The following MEI1 variants were observed in gnomAD, a reference collection of about 807,000 sequenced individuals.
MEI1 encodes meiotic double-stranded break formation protein 1.
MEI1 carries 103 observed loss-of-function variants against 146.2 expected under a neutral mutation model. That is an observed-to-expected ratio of 0.70 (90% CI 0.60 to 0.83). The LOEUF (loss-of-function observed/expected upper bound fraction) is 0.83. MEI1 is among the 40% of genes least tolerant of loss of function. The pLI is 0.00. For synonymous variants in MEI1, 652 were observed against 628.2 expected (o/e 1.04, Z -0.57); for missense variants, 1,529 against 1,533.0 (o/e 1.00, Z 0.04).
At chr22:41,764,893 G>A (rs185324466) in intron 19 of MEI1, among the ~76,000 whole-genome samples, 43 of 152,252 alleles carry the variant, frequency 2.8e-4, no homozygotes, top group African/African-American at 8.9e-4. Flanking sequence ...TCCGACTCCC[G>A]CATCAGTTAA....
rs9611657 is a variant in MEI1, at chr22:41,759,632, A to T, written c.2120+1099A>T. Among the ~76,000 whole-genome samples the T allele has an allele frequency of 1.4e-3, 186 of 135,630 alleles. 5 individuals carry two copies. Among genetic ancestry groups the T allele is most frequent in the African/African-American group, 5.2e-3 (168 of 32,546 alleles). The allele number at this position is 135,630 out of a possible 152,430, so 89.0% of individuals were successfully genotyped here. A position where few individuals can be genotyped will look rare whatever the true frequency, so the allele number is the denominator to read the frequency against. On this transcript the variant is annotated intron_variant, in intron 18 of 30. Coordinates refer to ENST00000401548, the MANE Select transcript of MEI1 (RefSeq NM_152513.4). ...GCGACAGAGCGAGACTCCGTCTCAA[A>T]AAATAAATAAATAAATAAATAAATA...
At position 41,723,939 on chromosome 22, in the gene MEI1, C is replaced by T; in HGVS notation, c.734-4C>T. 2 of 1,591,420 alleles carry T rather than the reference C, an allele frequency of 1.3e-6. No homozygotes were observed. The highest frequency in any genetic ancestry group is 1.7e-6 in the Non-Finnish European group (2 of 1,168,578). On this transcript the variant is annotated splice_region_variant and splice_polypyrimidine_tract_variant and intron_variant, in intron 6 of 30. Coordinates refer to ENST00000401548, the MANE Select transcript of MEI1 (RefSeq NM_152513.4). ...CCTTACTTCCCAATCCCTTTGTTTCCTAGGTTTGCTGAGGCAGCTGTTGAA... is the reference window on the plus strand; with the variant it reads ...CCTTACTTCCCAATCCCTTTGTTTCTTAGGTTTGCTGAGGCAGCTGTTGAA...
intron 3 of MEI1, among the ~76,000 whole-genome samples, chr22:41,712,389 C>G (rs1416163114): frequency 6.6e-6 from 1 of 151,104 alleles, no homozygotes; most frequent in Non-Finnish European, 1.5e-5. Flanking sequence ...CGCCCACCAC[C>G]ACGCCCGGCT....
intron 19 of MEI1, among the ~76,000 whole-genome samples, chr22:41,766,722 T>C (rs1200109143): frequency 6.6e-6 from 1 of 151,618 alleles, no homozygotes; most frequent in Non-Finnish European, 1.5e-5. Flanking sequence ...GGCTAATTAT[T>C]TTTATTTCCT....
chr22:41,772,973 A>G (rs2075267809), intron 20 of MEI1, among the ~76,000 whole-genome samples: 1 of 152,182 alleles, frequency 6.6e-6, no homozygotes, highest in Admixed American at 6.5e-5. Flanking sequence ...CCTAGAATGG[A>G]GAGGTCCCTC....
chr22:41,723,890 A>G, intron 6 of MEI1, 53 bp from the exon 7 acceptor site: 1 of 1,553,572 alleles, frequency 6.4e-7, no homozygotes, highest in Admixed American at 2.0e-5. Context: ...TCTTGGGAGT[A>G]CTCTGGTGCC....
In MEI1 at chr22:41,781,363, T is replaced by G. The variant is rs749968595; in HGVS notation, c.2895T>G (p.Leu965=). The G allele has an allele frequency of 6.2e-7, 1 of 1,613,528 alleles. No individual in the cohort carries two copies. Among genetic ancestry groups the G allele is most frequent in the Non-Finnish European group, 8.5e-7 (1 of 1,179,748 alleles). Residue 965 remains leucine, a synonymous_variant, in exon 23 of 31, where the codon CTT becomes CTG. Transcript: ENST00000401548. ...CCTTCAACTTCCTGTATTGGAGCCT[T>G]CATCAGACCACACCCAGCAGTCAGA... ...QPSFNFLYWS[L]HQTTPSSQKR...
chr22:41,710,974 T>A (rs1206179920), intron 3 of MEI1, among the ~76,000 whole-genome samples: 1 of 152,110 alleles, frequency 6.6e-6, no homozygotes, highest in African/African-American at 2.4e-5. Context: ...ATGGATCCAT[T>A]GAATAAGCAC....
At chr22:41,774,020 T>A (rs1475240768) in intron 20 of MEI1, among the ~76,000 whole-genome samples, 1 of 152,238 alleles carries the variant, frequency 6.6e-6, no homozygotes, top group Admixed American at 6.5e-5. Context: ...TTCTGTTTTT[T>A]ATATGGGTAA....
chr22:41,795,759 G>C lies in MEI1; in HGVS notation c.3691G>C (p.Asp1231His). 1 of 1,613,686 alleles carries C rather than the reference G, an allele frequency of 6.2e-7. No homozygotes were observed. The highest frequency in any genetic ancestry group is 1.3e-5 in the African/African-American group (1 of 75,040). Residue 1231 changes from aspartate (D) to histidine (H), a missense_variant, in exon 30 of 31, where the codon GAC becomes CAC. Around this residue, in one of 3 missense-constraint regions of MEI1, gnomAD observed 313 missense variants for 337.3 expected, o/e 0.93. Transcript: ENST00000401548. This position sits in a 1 kb window ranked among gnomAD's most constrained non-coding sequence, Gnocchi z 4.2. ...QQLQSMGHLADHSMAQTLQAS... is the reference protein window; with the variant it reads ...QQLQSMGHLAHHSMAQTLQAS... ...GCTCCAGAGCATGGGACACCTGGCT[G>C]ACCACAGCATGGCCCAGACCCTGCA...
chr22:41,729,716 A>C lies in MEI1; in HGVS notation c.916A>C (p.Thr306Pro), dbSNP rs769115806. The C allele has an allele frequency of 3.0e-5, 49 of 1,612,288 alleles. No individual in the cohort carries two copies. The highest frequency in any genetic ancestry group is 4.2e-5 in the Non-Finnish European group (49 of 1,179,414). ...GCAGGTGGCCAGTGCTCACTGTATA[A>C]CTGCGGTGCTTGTCCACTCCCCAGC... Reference protein sequence around the residue: ...TLQVASAHCITAVLVHSPAKH... With the variant: ...TLQVASAHCIPAVLVHSPAKH... The change falls in exon 8 of 31, where the codon ACT (threonine) becomes CCT (proline). Residue 306 changes from threonine to proline, a missense_variant. This residue lies in a region of MEI1 where 1,212 missense variants were observed against 1,178.9 expected (regional missense o/e 1.03). Transcript: ENST00000401548.
rs746096669 is a variant in MEI1, at chr22:41,770,914, C to T, written c.2497C>T (p.Leu833=). Residue 833 remains leucine (L), a synonymous_variant, in exon 20 of 31, where the codon CTG becomes TTG. Transcript: ENST00000401548. ...QPALPASLVV[L]FQLLRSIPSI... ...CGCCCTTCCTGCCAGCTTAGTAGTCCTGTTCCAGTTGCTCAGAAGCATCCC... is the reference window on the plus strand; with the variant it reads ...CGCCCTTCCTGCCAGCTTAGTAGTCTTGTTCCAGTTGCTCAGAAGCATCCC... The T allele has an allele frequency of 1.9e-6, 3 of 1,614,020 alleles. No homozygotes were observed. The South Asian group carries it at 3.3e-5, about 18-fold the overall frequency.
chr22:41,785,233 C>A (rs2075919494), intron 26 of MEI1, among the ~76,000 whole-genome samples: 1 of 148,094 alleles, frequency 6.8e-6, no homozygotes, highest in South Asian at 2.1e-4. Flanking sequence ...CCGCGCCTGG[C>A]ATTTTTATTT....
In MEI1 at chr22:41,795,214, G is replaced by T. The variant is rs918640071; in HGVS notation, c.3535-197G>T. 6.6e-6 allele frequency among the ~76,000 whole-genome samples: 1 copy of T among 152,144 alleles called. No individual in the cohort carries two copies. The highest frequency in any genetic ancestry group is 2.4e-5 in the African/African-American group (1 of 41,402). On this transcript the variant is annotated intron_variant, in intron 28 of 30. Coordinates refer to ENST00000401548, the MANE Select transcript of MEI1 (RefSeq NM_152513.4). The surrounding 1 kb of genome is among the most constrained non-coding windows in gnomAD (Gnocchi z 4.2). The stretch of plus-strand genomic sequence containing the variant: ...GGGTCAGGAGGGCCAGCTCTCTCAG[G>T]ATCTCACAGGTTGCCTTACTTACCC...
intron 26 of MEI1, among the ~76,000 whole-genome samples, chr22:41,789,345 G>A (rs972172472): frequency 3.3e-5 from 5 of 152,052 alleles, no homozygotes; most frequent in African/African-American, 1.2e-4. Flanking sequence ...AAATACTTTC[G>A]TAGAGATGAT....
intron 20 of MEI1, 54 bp from the exon 21 acceptor site, chr22:41,776,048 C>G: frequency 1.9e-6 from 3 of 1,577,778 alleles, no homozygotes; most frequent in Non-Finnish European, 2.6e-6. Context: ...CTCATTGTCA[C>G]TTTTCCCCAA....
chr22:41,796,665 G>A (rs2148273392), intron 30 of MEI1, among the ~76,000 whole-genome samples: 1 of 152,318 alleles, frequency 6.6e-6, no homozygotes, highest in East Asian at 1.9e-4. Flanking sequence ...TTCACATGAT[G>A]AGTTGCAGTC....
At position 41,754,104 on chromosome 22, in the gene MEI1, G is replaced by T. The variant is rs1270419797; in HGVS notation, c.1951+58G>T. On this transcript the variant is annotated intron_variant, in intron 17 of 30. Coordinates refer to ENST00000401548, the MANE Select transcript of MEI1 (RefSeq NM_152513.4). ...CTGTGCTGGTCTTTAGAGTCTGGGTGCCTTGCTGATTGACTAGATAGTGAG... is the reference window on the plus strand; with the variant it reads ...CTGTGCTGGTCTTTAGAGTCTGGGTTCCTTGCTGATTGACTAGATAGTGAG... 9 of 1,303,772 alleles carry T rather than the reference G, an allele frequency of 6.9e-6. No individual in the cohort carries two copies. In the African/African-American group the frequency reaches 1.3e-4, roughly 19 times the overall value. The allele number at this position is 1,303,772 out of a possible 1,614,324, so 80.8% of individuals were successfully genotyped here.
At chr22:41,796,694 T>C (rs1032805182) in intron 30 of MEI1, among the ~76,000 whole-genome samples, 4 of 152,214 alleles carry the variant, frequency 2.6e-5, no homozygotes, top group Non-Finnish European at 4.4e-5. Flanking sequence ...GCCAAAACTT[T>C]GTTTCATGAA....
Sources: gnomAD v4.1 joint callset for allele counts (sites outside exome capture counted in the v4.1 genomes callset) on GRCh38, gnomAD v4.1.1 for gene constraint, gnomAD v4.1.1 regional missense constraint, Gnocchi (gnomAD v3.1) non-coding constraint, MANE v1.5 for transcripts, NCBI Gene and HGNC (gene_info 2026-07-23, HGNC 2026-07-21) for gene names.